Variants in GLI3 observed in about 807,000 individuals in gnomAD.
The protein encoded by GLI3 is transcription activator GLI3.
A neutral mutation model predicts 100.8 loss-of-function variants in GLI3; 20 were observed. The ratio of observed to expected loss-of-function variants is 0.20; its 90% CI spans 0.14 to 0.29. GLI3 has a LOEUF of 0.29. GLI3 is among the 10% of genes least tolerant of loss of function. The pLI, the probability that GLI3 is intolerant of heterozygous loss-of-function variation, is 1.00. For synonymous variants in GLI3, 938 were observed against 860.5 expected (o/e 1.09, Z -1.58); for missense variants, 2,040 against 2,128.5 (o/e 0.96, Z 0.82).
chr7:42,102,596 C>T (rs1188140191), intron 3 of GLI3, among the ~76,000 whole-genome samples: 1 of 152,232 alleles, frequency 6.6e-6, no homozygotes, highest in Admixed American at 6.5e-5. Flanking sequence ...GCTGTACAGG[C>T]TGGGTGTGCA....
intron 1 of GLI3, among the ~76,000 whole-genome samples, chr7:42,255,830 T>C (rs567479604): frequency 5.9e-4 from 90 of 152,308 alleles, no homozygotes; most frequent in African/African-American, 2.1e-3. Context: ...AGTTTCCTAG[T>C]AGTAAAATTG....
At chr7:42,209,313 A>C (rs925443281) in intron 2 of GLI3, among the ~76,000 whole-genome samples, 1 of 152,172 alleles carries the variant, frequency 6.6e-6, no homozygotes, top group Admixed American at 6.5e-5. Context: ...GGCCTCCCAA[A>C]GTGCTGGGAT....
intron 1 of GLI3, among the ~76,000 whole-genome samples, chr7:42,255,214 A>T (rs567813541): frequency 6.6e-6 from 1 of 152,238 alleles, no homozygotes; most frequent in Admixed American, 6.5e-5. Flanking sequence ...ATAAAAAAAT[A>T]AATGTATTTT....
chr7:42,056,798 AAAATAAAT>A (rs553929567), intron 4 of GLI3, among the ~76,000 whole-genome samples: 14 of 148,398 alleles, frequency 9.4e-5, no homozygotes, highest in African/African-American at 1.5e-4. Context: ...TAAAAATACA[AAAATAAAT>A]AAATAAATAA....
At chr7:42,024,177 C>T (rs1317534748) in intron 9 of GLI3, among the ~76,000 whole-genome samples, 2 of 152,148 alleles carry the variant, frequency 1.3e-5, no homozygotes, top group Non-Finnish European at 2.9e-5. Context: ...CTCGATTCAA[C>T]CTCTGATCTC....
intron 3 of GLI3, among the ~76,000 whole-genome samples, chr7:42,143,365 G>T (rs987306425): frequency 7.9e-5 from 12 of 152,206 alleles, no homozygotes; most frequent in African/African-American, 2.9e-4. Flanking sequence ...TTGCAGTTTG[G>T]TCAAGACAAA....
At chr7:42,097,647 T>C (rs1299411428) in intron 3 of GLI3, among the ~76,000 whole-genome samples, 2 of 152,202 alleles carry the variant, frequency 1.3e-5, no homozygotes, top group Non-Finnish European at 2.9e-5. Context: ...TAACAAAATG[T>C]CTCTCTCAAG....
intron 2 of GLI3, chr7:42,152,419 C>G: frequency 1.0e-6 from 1 of 985,482 alleles, no homozygotes; most frequent in South Asian, 4.7e-5. Flanking sequence ...TCTCTAGCTG[C>G]GCAGACCCTC....
chr7:42,054,441 A>G (rs930610821), intron 4 of GLI3, among the ~76,000 whole-genome samples: 1 of 152,168 alleles, frequency 6.6e-6, no homozygotes, highest in African/African-American at 2.4e-5. Context: ...ATTGCTTGGG[A>G]TACTGGAAAT....
At chr7:42,111,976 G>C (rs538271571) in intron 3 of GLI3, among the ~76,000 whole-genome samples, 2 of 152,138 alleles carry the variant, frequency 1.3e-5, no homozygotes, top group East Asian at 3.9e-4. Context: ...CCAGGAAATA[G>C]GAGCCCAAGA....
intron 2 of GLI3, among the ~76,000 whole-genome samples, chr7:42,176,296 C>G (rs899850305): frequency 3.9e-5 from 6 of 152,140 alleles, no homozygotes; most frequent in African/African-American, 1.4e-4. Flanking sequence ...AGAATGCCCC[C>G]TCCACAGTTC....
chr7:42,110,768 A>G (rs1168532442), intron 3 of GLI3, among the ~76,000 whole-genome samples: 1 of 152,244 alleles, frequency 6.6e-6, no homozygotes, highest in Non-Finnish European at 1.5e-5. Context: ...AATTAAATGA[A>G]TAAATAATGG....
chr7:42,237,585 G>A (rs1788839877), upstream of GLI3, among the ~76,000 whole-genome samples: 1 of 144,164 alleles, frequency 6.9e-6, no homozygotes, highest in Admixed American at 6.9e-5. Context: ...CCTCCTCCCC[G>A]CGCTCCTCCT....
At chr7:41,982,766 A>AT (rs1787709793) in intron 10 of GLI3, among the ~76,000 whole-genome samples, 1 of 152,054 alleles carries the variant, frequency 6.6e-6, no homozygotes, top group South Asian at 2.1e-4. Flanking sequence ...CTGAGGGCCT[A>AT]TATCACAGTA....
intron 10 of GLI3, among the ~76,000 whole-genome samples, chr7:42,011,632 G>T (rs1380521596): frequency 1.3e-5 from 2 of 152,236 alleles, no homozygotes; most frequent in Admixed American, 6.5e-5. Context: ...TGAAAACATG[G>T]TAAGTGCAAA....
intron 10 of GLI3, among the ~76,000 whole-genome samples, chr7:42,010,652 G>A (rs1187777365): frequency 6.6e-6 from 1 of 152,196 alleles, no homozygotes; most frequent in Non-Finnish European, 1.5e-5. Flanking sequence ...GACAGGGGAA[G>A]GGGACTGTCT....
chr7:41,981,501 G>GT (rs1315855400), intron 10 of GLI3, among the ~76,000 whole-genome samples: 3 of 152,142 alleles, frequency 2.0e-5, no homozygotes, highest in Non-Finnish European at 4.4e-5. Context: ...ACAGTGGCCA[G>GT]TAAAAAAAGG....
chr7:42,035,901 C>T (rs1297707297), intron 7 of GLI3, among the ~76,000 whole-genome samples: 1 of 152,132 alleles, frequency 6.6e-6, no homozygotes, highest in Non-Finnish European at 1.5e-5. Flanking sequence ...GATGGAGAAG[C>T]CACAACTTCT....
At chr7:42,098,425 T>C (rs893746193) in intron 3 of GLI3, among the ~76,000 whole-genome samples, 1 of 152,058 alleles carries the variant, frequency 6.6e-6, no homozygotes, top group African/African-American at 2.4e-5. Context: ...TCCTCACCTA[T>C]AGGATCAGGG....
Sources: gnomAD v4.1 joint callset for allele counts (sites outside exome capture counted in the v4.1 genomes callset) on GRCh38, gnomAD v4.1.1 for gene constraint, MANE v1.5 for transcripts, NCBI Gene and HGNC (gene_info 2026-07-23, HGNC 2026-07-21) for gene names.